DISP1: variants seen among roughly 807,000 people sequenced by gnomAD.
DISP1 encodes dispatched RND transporter family member 1, also known as protein dispatched homolog 1.
DISP1 carries 30 observed loss-of-function variants against 37.3 expected under a neutral mutation model. The ratio of observed to expected loss-of-function variants is 0.80; its 90% CI spans 0.60 to 1.09. The LOEUF (loss-of-function observed/expected upper bound fraction) is 1.09. Among genes scored for constraint, DISP1 ranks in the 50% least tolerant of loss-of-function variants. DISP1 has a pLI of 0.00. For synonymous variants in DISP1, 634 were observed against 690.2 expected (o/e 0.92, Z 1.28); for missense variants, 1,598 against 1,879.5 (o/e 0.85, Z 2.77).
In DISP1 at chr1:223,003,869, G is replaced by C. The variant is rs751130024; in HGVS notation, c.2472G>C (p.Gln824His). The change falls in exon 9 of 9, where the codon CAG becomes CAC. Residue 824 changes from glutamine to histidine, a missense_variant. Gln to His is a conservative substitution (Grantham distance 24). Coordinates refer to ENST00000675850, the MANE Select transcript of DISP1 (RefSeq NM_001377229.1). This position sits in a 1 kb window ranked among gnomAD's most constrained non-coding sequence, Gnocchi z 4.3. ...SSFNIASPASQAWILHFCQKL... is the reference protein window; with the variant it reads ...SSFNIASPASHAWILHFCQKL... ...TTAACATCGCCAGCCCAGCTTCCCA[G>C]GCCTGGATTTTGCACTTCTGTCAAA... 6.2e-7 allele frequency: 1 copy of C among 1,614,120 alleles called. No individual in the cohort carries two copies. The highest frequency in any genetic ancestry group is 1.1e-5 in the South Asian group (1 of 91,070).
intron 7 of DISP1, among the ~76,000 whole-genome samples, chr1:222,992,926 A>C (rs1164326243): frequency 1.4e-5 from 2 of 139,032 alleles, no homozygotes; most frequent in Non-Finnish European, 3.0e-5. Flanking sequence ...CAATGGCGCA[A>C]TCTTGTCTTA....
In DISP1 at chr1:222,943,242, G is replaced by C; in HGVS notation, c.419G>C (p.Cys140Ser). ...TCACCTGTGTATCAGACTACGTGCT[G>C]TCTTCAGCCCTCTCCATCCTTCTGC... ...NHSPVYQTTC[C>S]LQPSPSFCLH... Residue 140 changes from cysteine (C) to serine (S), a missense_variant, in exon 3 of 9, where the codon TGT becomes TCT. By Grantham distance (112) the Cys-to-Ser change is moderately radical. Coordinates refer to ENST00000675850, the MANE Select transcript of DISP1 (RefSeq NM_001377229.1). The C allele has an allele frequency of 6.2e-7, 1 of 1,613,474 alleles. No individual in the cohort carries two copies. Among genetic ancestry groups the C allele is most frequent in the Non-Finnish European group, 8.5e-7 (1 of 1,179,538 alleles).
intron 1 of DISP1, among the ~76,000 whole-genome samples, chr1:222,879,135 T>G (rs969744179): frequency 6.6e-6 from 1 of 152,122 alleles, no homozygotes; most frequent in African/African-American, 2.4e-5. Flanking sequence ...TTTTGAAGAC[T>G]ATTAGTTTTT....
intron 3 of DISP1, among the ~76,000 whole-genome samples, chr1:222,956,712 T>C (rs61837491): frequency 0.66 from 100,823 of 151,832 alleles, 33,948 homozygotes; most frequent in East Asian, 0.8. Context: ...GTTTGGTGAG[T>C]GTTTTGGCTT....
At chr1:222,999,515 C>T (rs988600607) in intron 8 of DISP1, among the ~76,000 whole-genome samples, 1 of 152,154 alleles carries the variant, frequency 6.6e-6, no homozygotes, top group Non-Finnish European at 1.5e-5. Flanking sequence ...ATCATACTTA[C>T]AGACTTTGGT....
intron 1 of DISP1, among the ~76,000 whole-genome samples, chr1:222,873,299 G>A (rs1287194649): frequency 6.6e-6 from 1 of 152,154 alleles, no homozygotes; most frequent in Non-Finnish European, 1.5e-5. Context: ...TCTGCTTGGT[G>A]CAGAGCTGAG....
rs192393363 is a variant in DISP1, at chr1:222,962,842, G to A, written c.509+19510G>A. ...ATAAAAACCCTAGAAGGAAACCTAG[G>A]CAGTACCATTCAGGACATAGGCATG... is the stretch of plus-strand genomic sequence containing the variant. On this transcript the variant is annotated intron_variant, in intron 3 of 8. Coordinates refer to ENST00000675850, the MANE Select transcript of DISP1 (RefSeq NM_001377229.1). Among the ~76,000 whole-genome samples, 17 of 152,278 alleles carry A rather than the reference G, an allele frequency of 1.1e-4. No homozygotes were observed. In the East Asian group the frequency reaches 3.3e-3, roughly 29 times the overall value.
intron 3 of DISP1, among the ~76,000 whole-genome samples, chr1:222,961,012 G>T (rs28794472): frequency 6.6e-6 from 1 of 152,002 alleles, no homozygotes; most frequent in Non-Finnish European, 1.5e-5. Flanking sequence ...GGACCACACT[G>T]ATTCACAGCC....
intron 3 of DISP1, among the ~76,000 whole-genome samples, chr1:222,971,056 C>T (rs1009263031): frequency 1.3e-5 from 2 of 151,956 alleles, no homozygotes; most frequent in African/African-American, 4.8e-5. Flanking sequence ...TTTCTAATCT[C>T]AGATTTTGAG....
At chr1:223,000,512 T>C (rs1202447487) in intron 8 of DISP1, among the ~76,000 whole-genome samples, 1 of 152,220 alleles carries the variant, frequency 6.6e-6, no homozygotes, top group African/African-American at 2.4e-5. Flanking sequence ...TTAGTACATT[T>C]GAACAAAAAC....
At chr1:222,897,618 A>T (rs1235793713) in intron 1 of DISP1, among the ~76,000 whole-genome samples, 1 of 152,172 alleles carries the variant, frequency 6.6e-6, no homozygotes, top group Non-Finnish European at 1.5e-5. Context: ...AGGATACTTT[A>T]TTAAGCCTTC....
Position 222,893,979 on chromosome 1 carries a change from G to A in DISP1, c.-158-34451G>A, listed in dbSNP as rs1671090212. 1.3e-5 allele frequency among the ~76,000 whole-genome samples: 2 copies of A among 152,184 alleles called. No individual in the cohort carries two copies. Among genetic ancestry groups the A allele is most frequent in the South Asian group, 4.1e-4 (2 of 4,830 alleles). Reference sequence around the variant, plus strand: ...ACAGTTCTCAGGAGACCCGAAGTGGGTAGCTCCCTCCCGCAGGCAGGTCAT... The same window carrying A: ...ACAGTTCTCAGGAGACCCGAAGTGGATAGCTCCCTCCCGCAGGCAGGTCAT... On this transcript the variant is annotated intron_variant, in intron 1 of 8. Transcript: ENST00000675850. This position sits in a 1 kb window ranked among gnomAD's most constrained non-coding sequence, Gnocchi z 4.3.
chr1:222,850,569 C>G (rs756660134), intron 1 of DISP1, among the ~76,000 whole-genome samples: 8 of 152,040 alleles, frequency 5.3e-5, no homozygotes, highest in Non-Finnish European at 1.0e-4. Flanking sequence ...CAATAGTGAT[C>G]TTTTCTGCCC....
At chr1:222,996,980 A>G (rs899258944) in intron 8 of DISP1, among the ~76,000 whole-genome samples, 2 of 151,604 alleles carry the variant, frequency 1.3e-5, no homozygotes, top group South Asian at 2.1e-4. Context: ...ATAGTACGCC[A>G]TGGTGGCTTT....
At chr1:222,891,194 G>A (rs886706805) in intron 1 of DISP1, among the ~76,000 whole-genome samples, 1 of 152,134 alleles carries the variant, frequency 6.6e-6, no homozygotes, top group Non-Finnish European at 1.5e-5. Flanking sequence ...GAAATGAAGT[G>A]TAGCTGAAGC....
At chr1:222,831,729 A>C (rs1003456271) in intron 1 of DISP1, among the ~76,000 whole-genome samples, 1 of 152,216 alleles carries the variant, frequency 6.6e-6, no homozygotes, top group Non-Finnish European at 1.5e-5. Context: ...CAAAGTACCC[A>C]GTAGAGGAAG....
chr1:222,898,175 G>A (rs916300173), intron 1 of DISP1, among the ~76,000 whole-genome samples: 1 of 152,122 alleles, frequency 6.6e-6, no homozygotes, highest in Non-Finnish European at 1.5e-5. Flanking sequence ...AAATCTAACT[G>A]CAGGGATATA....
At chr1:222,847,280 A>G (rs1251217607) in intron 1 of DISP1, among the ~76,000 whole-genome samples, 2 of 152,232 alleles carry the variant, frequency 1.3e-5, no homozygotes, top group African/African-American at 2.4e-5. Flanking sequence ...TTCTAGGCTC[A>G]TCTTATACTT....
At chr1:222,989,376 G>T in intron 4 of DISP1, 1 of 985,414 alleles carries the variant, frequency 1.0e-6, no homozygotes, top group Non-Finnish European at 1.2e-6. Context: ...CCAGAAGTTT[G>T]CAGGATGCAT....
Sources: gnomAD v4.1 joint callset for allele counts (sites outside exome capture counted in the v4.1 genomes callset) on GRCh38, gnomAD v4.1.1 for gene constraint, Gnocchi (gnomAD v3.1) non-coding constraint, MANE v1.5 for transcripts, NCBI Gene and HGNC (gene_info 2026-07-23, HGNC 2026-07-21) for gene names.